DCC: variants seen among roughly 807,000 people sequenced by gnomAD.
The protein encoded by DCC is DCC netrin 1 receptor, also known as netrin receptor DCC.
In DCC, 58 loss-of-function variants were observed where a neutral mutation model predicts 172.5. That is an observed-to-expected ratio of 0.34 (90% CI 0.27 to 0.42). DCC has a LOEUF of 0.42. Among genes scored for constraint, DCC ranks in the 10% least tolerant of loss-of-function variants. The pLI, the probability that DCC is intolerant of heterozygous loss-of-function variation, is 1.00. For synonymous variants in DCC, 709 were observed against 644.5 expected (o/e 1.10, Z -1.52); for missense variants, 1,740 against 1,791.0 (o/e 0.97, Z 0.51).
intron 26 of DCC, 144 bp from the exon 27 acceptor site, chr18:53,499,154 C>G (rs918428681): frequency 1.3e-6 from 1 of 784,810 alleles, no homozygotes; most frequent in Non-Finnish European, 2.2e-6. Context: ...TGAAGGTAGA[C>G]GAATGACAAT....
At chr18:53,478,226 G>C (rs568174094) in intron 25 of DCC, among the ~76,000 whole-genome samples, 20 of 152,316 alleles carry the variant, frequency 1.3e-4, no homozygotes, top group African/African-American at 4.8e-4. Flanking sequence ...TCTCTATCCT[G>C]ACTCAAGTAA....
chr18:53,024,657 T>C (rs1469155186), intron 5 of DCC, among the ~76,000 whole-genome samples: 3 of 152,166 alleles, frequency 2.0e-5, no homozygotes, highest in Non-Finnish European at 1.5e-5. Flanking sequence ...ACTGCTTTCT[T>C]GTGGGGTTCT....
At chr18:53,425,233 A>G (rs1054311587) in intron 21 of DCC, among the ~76,000 whole-genome samples, 2 of 151,484 alleles carry the variant, frequency 1.3e-5, no homozygotes, top group Admixed American at 6.6e-5. Context: ...TTTGTTCTGC[A>G]TGTTCAATTG....
intron 1 of DCC, among the ~76,000 whole-genome samples, chr18:52,616,327 G>A (rs2034382040): frequency 6.6e-6 from 1 of 151,842 alleles, no homozygotes; most frequent in East Asian, 1.9e-4. Flanking sequence ...TGGTTAGACG[G>A]GACTATCATA....
intron 2 of DCC, among the ~76,000 whole-genome samples, chr18:52,815,560 C>T (rs2038280806): frequency 6.6e-6 from 1 of 152,126 alleles, no homozygotes; most frequent in Non-Finnish European, 1.5e-5. Context: ...TTGCTGACAC[C>T]TTCAACTTGG....
chr18:52,365,516 A>G (rs1039489441), intron 1 of DCC, among the ~76,000 whole-genome samples: 3 of 145,894 alleles, frequency 2.1e-5, no homozygotes, highest in Non-Finnish European at 3.0e-5. Context: ...ACTAATGCCA[A>G]TTGCTTGGGT....
intron 1 of DCC, among the ~76,000 whole-genome samples, chr18:52,415,970 G>T (rs960429209): frequency 2.0e-5 from 3 of 151,874 alleles, no homozygotes; most frequent in Non-Finnish European, 4.4e-5. Flanking sequence ...ATGTTAGGGT[G>T]TCAATTTTGG....
rs539937511 is a variant in DCC at position 53,481,652 on chromosome 18, G to A, written c.3737-5145G>A. The stretch of plus-strand genomic sequence containing the variant: ...ACATACCATTATCTTTGTCTCCTTC[G>A]TCTCCTCAACAAATCTCTCAATTCT... On this transcript the variant is annotated intron_variant, in intron 25 of 28. Transcript: ENST00000442544. Among the ~76,000 whole-genome samples the A allele has an allele frequency of 2.6e-5, 4 of 152,116 alleles. No individual in the cohort carries two copies. The South Asian group carries it at 6.2e-4, about 24-fold the overall frequency.
intron 1 of DCC, among the ~76,000 whole-genome samples, chr18:52,348,281 A>C (rs1983966338): frequency 6.6e-6 from 1 of 152,202 alleles, no homozygotes; most frequent in Admixed American, 6.5e-5. Flanking sequence ...GTTGGCATAA[A>C]CATTCTGGTG....
chr18:52,555,579 A>G (rs936541665), intron 1 of DCC, among the ~76,000 whole-genome samples: 1 of 152,118 alleles, frequency 6.6e-6, no homozygotes, highest in Non-Finnish European at 1.5e-5. Flanking sequence ...CAGTGGCAAA[A>G]AGAATATAGT....
intron 1 of DCC, among the ~76,000 whole-genome samples, chr18:52,357,936 T>TAAAA (rs59238295): frequency 9.3e-4 from 114 of 123,082 alleles, no homozygotes; most frequent in South Asian, 1.4e-3. Flanking sequence ...AGACTCTGTG[T>TAAAA]AAAAAAAAAA....
chr18:52,556,395 C>G (rs1335206789), intron 1 of DCC, among the ~76,000 whole-genome samples: 8 of 152,038 alleles, frequency 5.3e-5, no homozygotes, highest in Non-Finnish European at 1.0e-4. Flanking sequence ...ATATGATTTC[C>G]TCTGGATAAT....
intron 13 of DCC, among the ~76,000 whole-genome samples, chr18:53,321,184 T>G (rs2057407875): frequency 6.6e-6 from 1 of 152,200 alleles, no homozygotes; most frequent in South Asian, 2.1e-4. Flanking sequence ...TTGCACTATT[T>G]CAGATGAATG....
At chr18:53,356,293 A>G (rs563190539) in intron 15 of DCC, among the ~76,000 whole-genome samples, 1 of 152,228 alleles carries the variant, frequency 6.6e-6, no homozygotes, top group South Asian at 2.1e-4. Flanking sequence ...GTTCATGTCT[A>G]CAAATTATTT....
chr18:52,545,166 G>T (rs776621541), intron 1 of DCC, among the ~76,000 whole-genome samples: 2 of 152,216 alleles, frequency 1.3e-5, no homozygotes, highest in Non-Finnish European at 2.9e-5. Flanking sequence ...TTGGGGAAGA[G>T]TTGCTTTTGG....
At chr18:53,382,180 C>T (rs780310938) in intron 15 of DCC, among the ~76,000 whole-genome samples, 12 of 151,522 alleles carry the variant, frequency 7.9e-5, no homozygotes, top group Non-Finnish European at 1.2e-4. Flanking sequence ...TAGATAGATG[C>T]AAATACGGAG....
At chr18:52,383,897 C>T (rs1026335263) in intron 1 of DCC, among the ~76,000 whole-genome samples, 1 of 152,010 alleles carries the variant, frequency 6.6e-6, no homozygotes, top group African/African-American at 2.4e-5. Context: ...TGGAACAGCA[C>T]CAACTCATTC....
At chr18:52,458,330 TTTCA>T (rs1988521563) in intron 1 of DCC, among the ~76,000 whole-genome samples, 2 of 152,090 alleles carry the variant, frequency 1.3e-5, no homozygotes, top group Non-Finnish European at 1.5e-5. Context: ...ACCACATGTC[TTTCA>T]CATACATTAT....
chr18:52,426,545 A>G (rs1987433653), intron 1 of DCC, among the ~76,000 whole-genome samples: 1 of 152,018 alleles, frequency 6.6e-6, no homozygotes, highest in South Asian at 2.1e-4. Context: ...CAGATTTGCA[A>G]ACAAATCAAT....
Sources: gnomAD v4.1 joint callset for allele counts (sites outside exome capture counted in the v4.1 genomes callset) on GRCh38, gnomAD v4.1.1 for gene constraint, MANE v1.5 for transcripts, NCBI Gene and HGNC (gene_info 2026-07-23, HGNC 2026-07-21) for gene names.